The following ABRAXAS2 variants were observed in gnomAD, a reference collection of about 807,000 sequenced individuals.
ABRAXAS2 encodes BRISC complex subunit Abraxas 2.
ABRAXAS2 carries 23 observed loss-of-function variants against 49.0 expected under a neutral mutation model. That is an observed-to-expected ratio of 0.47 (90% confidence interval 0.34 to 0.66). The LOEUF is 0.66. ABRAXAS2 is among the 30% of genes least tolerant of loss of function. The pLI, the probability that ABRAXAS2 is intolerant of heterozygous loss-of-function variation, is 0.01. For synonymous variants in ABRAXAS2, 168 were observed against 180.2 expected, an observed-to-expected ratio of 0.93 and a Z score of 0.54; for missense variants, 443 against 511.9, an observed-to-expected ratio of 0.87 and a Z score of 1.30.
chr10:124,818,511 G>T (rs1483597609), intron 3 of ABRAXAS2, among the ~76,000 whole-genome samples: 2 of 152,148 alleles, frequency 1.3e-5, no homozygotes, highest in Non-Finnish European at 2.9e-5. Flanking sequence ...GAAACCAGGT[G>T]GAGTGACTTG....
At position 124,831,478 on chromosome 10, in the gene ABRAXAS2, A is replaced by T. The variant is rs369758673; in HGVS notation, c.778+15A>T. On this transcript the variant is annotated intron_variant, in intron 8 of 8. Transcript: ENST00000298492. ...ACAAGAAAGAAGTAAGTTTCTTATT[A>T]ATTTTACCATTCAGTATCAGGGAAA... 5.5e-5 allele frequency: 75 copies of T among 1,352,100 alleles called. No homozygotes were observed. The African/African-American group carries it at 7.5e-4, about 13-fold the overall frequency. The allele number at this position is 1,352,100 out of a possible 1,614,324, so 83.8% of individuals were successfully genotyped here. A position where few individuals can be genotyped will look rare whatever the true frequency, so the allele number is the denominator to read the frequency against.
rs1950826130 is a variant in ABRAXAS2 at position 124,816,506 on chromosome 10, CCT to C, written c.164-69_164-68del. The C allele has an allele frequency of 4.8e-6, 5 of 1,048,164 alleles. No homozygotes were observed. In the Admixed American group the frequency reaches 6.7e-5, roughly 14 times the overall value. The allele number at this position is 1,048,164 out of a possible 1,614,324, so 64.9% of individuals were successfully genotyped here. A position where few individuals can be genotyped will look rare whatever the true frequency, so the allele number is the denominator to read the frequency against. On this transcript the variant is annotated intron_variant, in intron 2 of 8. Transcript: ENST00000298492. ...AGAGATTTTGATTAAAAAAAAAAGTCCTGAGCTATTTTATAGTTGCCTATGTC... is the reference window on the plus strand; with the variant it reads ...AGAGATTTTGATTAAAAAAAAAAGTCGAGCTATTTTATAGTTGCCTATGTC...
chr10:124,801,989 G>T, intron 1 of ABRAXAS2, 88 bp downstream of exon 1: 2 of 1,387,204 alleles, frequency 1.4e-6, no homozygotes, highest in Non-Finnish European at 2.0e-6. Context: ...GACCTCATGC[G>T]GCTCGCCCCC....
intron 4 of ABRAXAS2, among the ~76,000 whole-genome samples, chr10:124,823,021 C>T (rs926153272): frequency 2.6e-5 from 4 of 151,972 alleles, no homozygotes; most frequent in African/African-American, 7.3e-5. Flanking sequence ...AACAAATGTT[C>T]GTGTTCTCCT....
At chr10:124,812,053 A>G (rs1017208801) in intron 2 of ABRAXAS2, among the ~76,000 whole-genome samples, 1 of 152,240 alleles carries the variant, frequency 6.6e-6, no homozygotes, top group Admixed American at 6.5e-5. Context: ...CTGGGATTAC[A>G]GGCGTAAGCC....
At position 124,835,650 on chromosome 10, in the gene ABRAXAS2, AAAAT is replaced by A. The variant is rs1950964729; in HGVS notation, c.*684_*687del. On this transcript the variant is annotated 3_prime_UTR_variant, in exon 9 of 9. Coordinates refer to ENST00000298492, the MANE Select transcript of ABRAXAS2 (RefSeq NM_032182.4). ...GTAATCATCCAAATAAATACGTCAT[AAAAT>A]AAATTAATTATTTTTTCTTTGATGG... The A allele has an allele frequency of 6.6e-6, 1 of 152,338 alleles. No individual in the cohort carries two copies. The highest frequency in any genetic ancestry group is 1.5e-5 in the Non-Finnish European group (1 of 68,028). 9.4% of individuals were successfully genotyped at this position (152,338 alleles called of 1,614,324 possible).
chr10:124,826,997 G>A (rs1950900649), intron 5 of ABRAXAS2, among the ~76,000 whole-genome samples: 2 of 151,378 alleles, frequency 1.3e-5, no homozygotes, highest in South Asian at 4.2e-4. Context: ...GGGAGGCTGA[G>A]GCAGAAGAAT....
At chr10:124,803,601 G>T (rs1469800461) in intron 1 of ABRAXAS2, among the ~76,000 whole-genome samples, 1 of 152,150 alleles carries the variant, frequency 6.6e-6, no homozygotes, top group Non-Finnish European at 1.5e-5. Context: ...GACAATAAAA[G>T]ATTCAAGTGA....
rs1237171221 is a variant in ABRAXAS2, at chr10:124,822,919, C to T, written c.267+3469C>T. Among the ~76,000 whole-genome samples the T allele has an allele frequency of 2.0e-5, 3 of 152,094 alleles. No homozygotes were observed. The East Asian group carries it at 5.8e-4, about 29-fold the overall frequency. On this transcript the variant is annotated intron_variant, in intron 4 of 8. Coordinates refer to ENST00000298492, the MANE Select transcript of ABRAXAS2 (RefSeq NM_032182.4). Reference sequence around the variant, plus strand: ...GACACAGAAGGCCACTCGTTGGTTGCTATCTAGAGTTGACTGCTTTTTCTG... The same window carrying T: ...GACACAGAAGGCCACTCGTTGGTTGTTATCTAGAGTTGACTGCTTTTTCTG...
chr10:124,806,039 G>A (rs1419591969), intron 1 of ABRAXAS2, among the ~76,000 whole-genome samples: 1 of 152,106 alleles, frequency 6.6e-6, no homozygotes, highest in Non-Finnish European at 1.5e-5. Flanking sequence ...GATGGCTCAC[G>A]CCTGTAATCC....
intron 1 of ABRAXAS2, 152 bp downstream of exon 1, chr10:124,802,053 G>A: frequency 1.4e-6 from 1 of 696,644 alleles, no homozygotes; most frequent in East Asian, 3.0e-5. Flanking sequence ...CCCGCCCCCG[G>A]TGAGCTCTTG....
At chr10:124,828,999 A>C in intron 6 of ABRAXAS2, 124 bp downstream of exon 6, 1 of 931,894 alleles carries the variant, frequency 1.1e-6, no homozygotes, top group Non-Finnish European at 1.6e-6. Context: ...TGAAGAATAC[A>C]GTAAGGTAAT....
intron 4 of ABRAXAS2, among the ~76,000 whole-genome samples, chr10:124,821,682 T>G (rs1324274118): frequency 1.3e-5 from 2 of 152,154 alleles, no homozygotes; most frequent in African/African-American, 2.4e-5. Flanking sequence ...CCCATAAGAT[T>G]GGCAAAAGAG....
intron 2 of ABRAXAS2, among the ~76,000 whole-genome samples, chr10:124,813,666 C>T (rs928371658): frequency 6.6e-6 from 1 of 152,178 alleles, no homozygotes; most frequent in African/African-American, 2.4e-5. Context: ...TTGAGATCAT[C>T]ACCCTGTTTT....
At chr10:124,815,590 G>A (rs2134163294) in intron 2 of ABRAXAS2, among the ~76,000 whole-genome samples, 1 of 152,280 alleles carries the variant, frequency 6.6e-6, no homozygotes, top group Non-Finnish European at 1.5e-5. Flanking sequence ...AGGAGAATGT[G>A]ATTAATATAA....
intron 2 of ABRAXAS2, 143 bp downstream of exon 2, chr10:124,807,064 G>A: frequency 1.8e-6 from 1 of 567,650 alleles, no homozygotes; most frequent in Non-Finnish European, 3.1e-6. Context: ...TGTAATCCCA[G>A]CACTTTGGGA....
At chr10:124,831,709 T>C (rs1265385198) in intron 8 of ABRAXAS2, among the ~76,000 whole-genome samples, 1 of 152,076 alleles carries the variant, frequency 6.6e-6, no homozygotes, top group Non-Finnish European at 1.5e-5. Context: ...AAGTGGAAAT[T>C]AGAATAAATC....
chr10:124,831,844 T>A (rs398046372), intron 8 of ABRAXAS2, among the ~76,000 whole-genome samples: 16,938 of 35,036 alleles, frequency 0.48, 1,989 homozygotes, highest in Non-Finnish European at 0.54. Context: ...TGTCCTGTCT[T>A]TTTTTTTTTT....
chr10:124,816,906 G>A (rs1404519038), intron 3 of ABRAXAS2, among the ~76,000 whole-genome samples: 1 of 152,144 alleles, frequency 6.6e-6, no homozygotes, highest in African/African-American at 2.4e-5. Context: ...TGTTCTTAAC[G>A]AGGAATAAAA....
Sources: allele counts gnomAD v4.1 joint callset (sites outside exome capture counted in the v4.1 genomes callset), GRCh38; gene constraint gnomAD v4.1.1; transcripts MANE v1.5; gene names NCBI Gene and HGNC (gene_info 2026-07-23, HGNC 2026-07-21).